The following CFAP299 variants were observed in gnomAD, a reference collection of about 807,000 sequenced individuals.
The protein encoded by CFAP299 is cilia and flagella associated protein 299.
A neutral mutation model predicts 27.0 loss-of-function variants in CFAP299; 21 were observed. The ratio of observed to expected loss-of-function variants is 0.78; its 90% CI spans 0.55 to 1.12. The LOEUF is 1.12. CFAP299 is among the 50% of genes most tolerant of loss of function. The probability of loss-of-function intolerance (pLI) is 0.00; values close to 1 mark genes in which losing one functional copy is unlikely to be tolerated. For synonymous variants in CFAP299, 104 were observed against 98.1 expected (o/e 1.06, Z -0.36); for missense variants, 310 against 276.6 (o/e 1.12, Z -0.86).
intron 2 of CFAP299, among the ~76,000 whole-genome samples, chr4:80,498,582 A>T (rs984783850): frequency 3.9e-5 from 3 of 76,262 alleles, no homozygotes; most frequent in Non-Finnish European, 6.9e-5. Flanking sequence ...ATTAAAAAGT[A>T]AAAAAAAAAA....
intron 3 of CFAP299, among the ~76,000 whole-genome samples, chr4:80,605,222 T>C (rs144643812): frequency 5.9e-5 from 9 of 152,332 alleles, no homozygotes; most frequent in South Asian, 2.1e-4. Flanking sequence ...ATGATTTTCA[T>C]TGAAGAAATA....
chr4:80,574,352 G>A (rs1045364269), intron 2 of CFAP299, among the ~76,000 whole-genome samples: 3 of 152,094 alleles, frequency 2.0e-5, no homozygotes. Context: ...TAGTTTTTCA[G>A]TGGAGTCTTT....
chr4:80,803,140 T>C lies in CFAP299; in HGVS notation c.334-66853T>C, dbSNP rs780787818. 9.5e-4 allele frequency among the ~76,000 whole-genome samples: 144 copies of C among 152,196 alleles called. 2 individuals carry two copies. Among genetic ancestry groups the C allele is most frequent in the Non-Finnish European group, 1.3e-3 (88 of 67,950 alleles). ...TTTGTTCGACTCCAAATTCCATTTATGTTTTTTCTTATTCCACAAACATTT... is the reference window on the plus strand; with the variant it reads ...TTTGTTCGACTCCAAATTCCATTTACGTTTTTTCTTATTCCACAAACATTT... On this transcript the variant is annotated intron_variant, in intron 3 of 5. Transcript: ENST00000358105.
chr4:80,536,476 TA>T (rs375528207), intron 2 of CFAP299, among the ~76,000 whole-genome samples: 19 of 152,140 alleles, frequency 1.2e-4, no homozygotes, highest in African/African-American at 4.1e-4. Flanking sequence ...ACTACAAAAC[TA>T]ATAGCCATGA....
At chr4:80,688,277 C>A (rs1215798493) in intron 3 of CFAP299, among the ~76,000 whole-genome samples, 1 of 152,216 alleles carries the variant, frequency 6.6e-6, no homozygotes, top group African/African-American at 2.4e-5. Flanking sequence ...CCTCTGCAGA[C>A]TTAAGTGTCC....
intron 3 of CFAP299, among the ~76,000 whole-genome samples, chr4:80,799,809 A>C (rs1273077419): frequency 4.2e-5 from 1 of 24,088 alleles, no homozygotes; most frequent in Non-Finnish European, 5.3e-5. Flanking sequence ...TATAATATAT[A>C]AATATATATA....
intron 4 of CFAP299, among the ~76,000 whole-genome samples, chr4:80,908,670 C>T (rs1735307613): frequency 6.6e-6 from 1 of 152,082 alleles, no homozygotes; most frequent in Admixed American, 6.6e-5. Context: ...AACCAAATTG[C>T]CTTATTGTTA....
intron 3 of CFAP299, among the ~76,000 whole-genome samples, chr4:80,780,951 C>G (rs756513943): frequency 2.5e-4 from 38 of 151,874 alleles, no homozygotes; most frequent in Middle Eastern, 3.4e-3. Flanking sequence ...TTTGTGACAA[C>G]CTTCTTCCAT....
At chr4:80,355,706 C>A (rs772983725) in intron 1 of CFAP299, among the ~76,000 whole-genome samples, 3 of 152,010 alleles carry the variant, frequency 2.0e-5, no homozygotes, top group Non-Finnish European at 2.9e-5. Context: ...CTGTTGGATG[C>A]ATAATTTGCA....
chr4:80,929,501 G>A (rs1426712026), intron 4 of CFAP299, among the ~76,000 whole-genome samples: 1 of 152,146 alleles, frequency 6.6e-6, no homozygotes. Context: ...AGTCTCTGAA[G>A]CTAGGAACCT....
chr4:80,805,435 A>G (rs1728815428), intron 3 of CFAP299, among the ~76,000 whole-genome samples: 1 of 152,202 alleles, frequency 6.6e-6, no homozygotes, highest in African/African-American at 2.4e-5. Context: ...ACTTTCATTC[A>G]TAAAATAAAT....
intron 4 of CFAP299, among the ~76,000 whole-genome samples, chr4:80,919,175 T>G (rs1384317727): frequency 6.6e-6 from 1 of 152,172 alleles, no homozygotes; most frequent in Non-Finnish European, 1.5e-5. Flanking sequence ...GTTCTAAATA[T>G]TAGTTCTAAA....
rs376487779 is a variant in CFAP299 at position 80,931,053 on chromosome 4, C to T, written c.477-13757C>T. 4.0e-3 allele frequency among the ~76,000 whole-genome samples: 615 copies of T among 152,070 alleles called. 1 individual carries two copies. Among genetic ancestry groups the T allele is most frequent in the Middle Eastern group, 0.014 (4 of 294 alleles). On this transcript the variant is annotated intron_variant, in intron 4 of 5. Coordinates refer to ENST00000358105, the MANE Select transcript of CFAP299 (RefSeq NM_152770.3). Reference sequence around the variant, plus strand: ...TGGAATCATAAGGCAGGGACTGTATCTTTTTTCTCATTCTGTCCCAAATAC... The same window carrying T: ...TGGAATCATAAGGCAGGGACTGTATTTTTTTTCTCATTCTGTCCCAAATAC...
intron 3 of CFAP299, among the ~76,000 whole-genome samples, chr4:80,623,419 C>A (rs1738709490): frequency 6.6e-6 from 1 of 151,866 alleles, no homozygotes; most frequent in Non-Finnish European, 1.5e-5. Context: ...TGTATAGAAC[C>A]AAACGAAGAG....
At chr4:80,526,636 TATTTA>T (rs1182047597) in intron 2 of CFAP299, among the ~76,000 whole-genome samples, 3 of 152,138 alleles carry the variant, frequency 2.0e-5, no homozygotes, top group African/African-American at 7.2e-5. Context: ...GTATCTCCAT[TATTTA>T]ATTGGCACTT....
intron 4 of CFAP299, among the ~76,000 whole-genome samples, chr4:80,877,466 T>G (rs1436876584): frequency 6.6e-6 from 1 of 152,180 alleles, no homozygotes; most frequent in Non-Finnish European, 1.5e-5. Context: ...GTCCATTGCT[T>G]TAAAAGAAAA....
At chr4:80,835,723 AT>A (rs1730528080) in intron 3 of CFAP299, among the ~76,000 whole-genome samples, 1 of 152,192 alleles carries the variant, frequency 6.6e-6, no homozygotes, top group Non-Finnish European at 1.5e-5. Context: ...AATTAAACAC[AT>A]GTGTGGACCT....
At chr4:80,347,705 C>T (rs1223753507) in intron 1 of CFAP299, among the ~76,000 whole-genome samples, 2 of 152,130 alleles carry the variant, frequency 1.3e-5, no homozygotes, top group Admixed American at 1.3e-4. Context: ...GGCCATGCTG[C>T]CCAAAGTAAT....
intron 2 of CFAP299, among the ~76,000 whole-genome samples, chr4:80,375,945 C>A (rs991483402): frequency 6.6e-6 from 1 of 152,154 alleles, no homozygotes; most frequent in Admixed American, 6.5e-5. Context: ...TTTTATAATT[C>A]GTTTTTGAAA....
Sources: allele counts gnomAD v4.1 joint callset (sites outside exome capture counted in the v4.1 genomes callset), GRCh38; gene constraint gnomAD v4.1.1; transcripts MANE v1.5; gene names NCBI Gene and HGNC (gene_info 2026-07-23, HGNC 2026-07-21).